Variants in SFMBT2 observed in about 807,000 individuals in gnomAD.
SFMBT2 encodes scm-like with four MBT domains protein 2.
Under a neutral mutation model 110.1 loss-of-function variants are expected in SFMBT2, and 38 were observed. That is an observed-to-expected ratio of 0.35 (90% CI 0.27 to 0.45). SFMBT2 has a LOEUF of 0.45. SFMBT2 is among the 20% of genes least tolerant of loss of function. SFMBT2 has a pLI of 1.00. For synonymous variants in SFMBT2, 425 were observed against 425.4 expected, an observed-to-expected ratio of 1.00 and a Z score of 0.01; for missense variants, 1,011 against 1,094.9, an observed-to-expected ratio of 0.92 and a Z score of 1.08.
rs35461195 is a variant in SFMBT2, at chr10:7,319,652, CAG to C, written c.437-33700_437-33699del. On this transcript the variant is annotated intron_variant, in intron 4 of 20. Transcript: ENST00000397167. ...AACTAGGTGCTACCAAAGAGAGAGA[CAG>C]AGAGAGAGAGAGAGACAGAGAGAGA... 5.3e-3 allele frequency among the ~76,000 whole-genome samples: 738 copies of C among 139,196 alleles called. 5 individuals are homozygous for C. Among genetic ancestry groups the C allele is most frequent in the African/African-American group, 0.016 (632 of 39,978 alleles). 91.3% of individuals were successfully genotyped at this position (139,196 alleles called of 152,430 possible).
At chr10:7,394,223 C>T (rs1845858619) in intron 1 of SFMBT2, among the ~76,000 whole-genome samples, 1 of 152,144 alleles carries the variant, frequency 6.6e-6, no homozygotes, top group African/African-American at 2.4e-5. Flanking sequence ...AAGCAATCCA[C>T]CCACCAGCAC....
intron 4 of SFMBT2, among the ~76,000 whole-genome samples, chr10:7,347,067 C>T (rs1844139091): frequency 6.6e-6 from 1 of 152,084 alleles, no homozygotes; most frequent in Non-Finnish European, 1.5e-5. Context: ...ACTAACTGTC[C>T]CCCAGGGCTT....
chr10:7,368,876 C>T (rs1000189694), intron 3 of SFMBT2, among the ~76,000 whole-genome samples: 3 of 152,138 alleles, frequency 2.0e-5, no homozygotes, highest in Non-Finnish European at 4.4e-5. Context: ...TAAACAGCCA[C>T]AATCACGTTC....
At chr10:7,168,525 A>G (rs903791346) in intron 20 of SFMBT2, among the ~76,000 whole-genome samples, 3 of 152,242 alleles carry the variant, frequency 2.0e-5, no homozygotes, top group Admixed American at 1.3e-4. Flanking sequence ...GAATGCACAC[A>G]GGGACTGACA....
At chr10:7,340,281 T>C (rs1220655099) in intron 4 of SFMBT2, among the ~76,000 whole-genome samples, 2 of 152,074 alleles carry the variant, frequency 1.3e-5, no homozygotes, top group African/African-American at 2.4e-5. Context: ...CTCATCTTCA[T>C]GCTGAGTAGG....
chr10:7,325,142 A>G, intron 4 of SFMBT2, among the ~76,000 whole-genome samples: 1 of 151,416 alleles, frequency 6.6e-6, no homozygotes, highest in East Asian at 1.9e-4. Flanking sequence ...TAATTTTTGT[A>G]TTTTTAGTAG....
At position 7,330,899 on chromosome 10, in the gene SFMBT2, T is replaced by C. The variant is rs111852648; in HGVS notation, c.436+36750A>G. ...TTTTTCCCCTGTCTAATCCATCCCA[T>C]GGTAGCGTCCTCCCTGGAAGGGGGA... On this transcript the variant is annotated intron_variant, in intron 4 of 20. Transcript: ENST00000397167. 3.2e-4 allele frequency among the ~76,000 whole-genome samples: 49 copies of C among 152,320 alleles called. 2 individuals are homozygous for C. The highest frequency in any genetic ancestry group is 1.1e-3 in the African/African-American group (47 of 41,558).
chr10:7,376,666 T>C (rs1456387098), intron 2 of SFMBT2, among the ~76,000 whole-genome samples: 11 of 114,808 alleles, frequency 9.6e-5, no homozygotes, highest in Non-Finnish European at 1.6e-5. Flanking sequence ...ACCACTGCAC[T>C]GCAGCCTGGG....
chr10:7,292,213 G>A (rs1454047443), intron 4 of SFMBT2: 1 of 243,278 alleles, frequency 4.1e-6, no homozygotes, highest in African/African-American at 2.3e-5. Flanking sequence ...CAGATGTCAG[G>A]TAGCAGCCTT....
intron 1 of SFMBT2, among the ~76,000 whole-genome samples, chr10:7,404,897 A>G (rs1846172966): frequency 6.6e-6 from 1 of 152,222 alleles, no homozygotes; most frequent in Admixed American, 6.5e-5. Flanking sequence ...ACTTGGAAAC[A>G]TTACATGAAT....
At chr10:7,243,184 ACT>A (rs1347368184) in intron 9 of SFMBT2, among the ~76,000 whole-genome samples, 1 of 152,200 alleles carries the variant, frequency 6.6e-6, no homozygotes, top group East Asian at 1.9e-4. Context: ...GGAAATAAAC[ACT>A]CTAAAGAAAT....
At chr10:7,407,733 A>T (rs1846257506) in intron 1 of SFMBT2, among the ~76,000 whole-genome samples, 1 of 152,222 alleles carries the variant, frequency 6.6e-6, no homozygotes, top group Admixed American at 6.5e-5. Context: ...GGTCTCCAGA[A>T]GTTTGAGAAC....
rs998353939 is a variant in SFMBT2, at chr10:7,293,927, T to A, written c.437-7973A>T. Reference sequence around the variant, plus strand: ...AGATGAACAATTTCCATCTCATCAGTTACGCTGATGTGTATCAGTGATGTA... The same window carrying A: ...AGATGAACAATTTCCATCTCATCAGATACGCTGATGTGTATCAGTGATGTA... On this transcript the variant is annotated intron_variant, in intron 4 of 20. Transcript: ENST00000397167. This position sits in a 1 kb window ranked among gnomAD's most constrained non-coding sequence, Gnocchi z 4.6. Among the ~76,000 whole-genome samples, 1 of 152,208 alleles carries A rather than the reference T, an allele frequency of 6.6e-6. No individual in the cohort carries two copies. The highest frequency in any genetic ancestry group is 1.5e-5 in the Non-Finnish European group (1 of 68,038).
At chr10:7,165,073 G>T (rs956466104) in intron 20 of SFMBT2, among the ~76,000 whole-genome samples, 1 of 152,066 alleles carries the variant, frequency 6.6e-6, no homozygotes, top group Non-Finnish European at 1.5e-5. Context: ...GACTTTAACC[G>T]CAATCCTCCC....
At chr10:7,188,276 GA>G (rs1273287443) in intron 16 of SFMBT2, among the ~76,000 whole-genome samples, 1 of 152,152 alleles carries the variant, frequency 6.6e-6, no homozygotes, top group Non-Finnish European at 1.5e-5. Flanking sequence ...AGCTGTTTAT[GA>G]ACATAGTATA....
chr10:7,258,453 C>A (rs1327325446), intron 7 of SFMBT2, among the ~76,000 whole-genome samples: 1 of 152,136 alleles, frequency 6.6e-6, no homozygotes, highest in Non-Finnish European at 1.5e-5. Context: ...AAAAATACTG[C>A]ACAGTATATA....
intron 4 of SFMBT2, among the ~76,000 whole-genome samples, chr10:7,309,035 G>A (rs946086775): frequency 4.6e-5 from 7 of 152,302 alleles, no homozygotes; most frequent in East Asian, 1.9e-4. Context: ...ACTGGACCAC[G>A]AGGTGCCCAG....
chr10:7,205,017 A>G (rs1476617828), intron 12 of SFMBT2: 11 of 695,480 alleles, frequency 1.6e-5, no homozygotes, highest in Non-Finnish European at 1.9e-5. Flanking sequence ...GTGTGGTAAT[A>G]TACTTTATAA....
At chr10:7,351,635 C>T (rs953431610) in intron 4 of SFMBT2, among the ~76,000 whole-genome samples, 3 of 152,136 alleles carry the variant, frequency 2.0e-5, no homozygotes, top group Admixed American at 6.5e-5. Flanking sequence ...ATCAGTTATA[C>T]ATAAACAATT....
Sources: gnomAD v4.1 joint callset for allele counts (sites outside exome capture counted in the v4.1 genomes callset) on GRCh38, gnomAD v4.1.1 for gene constraint, Gnocchi (gnomAD v3.1) non-coding constraint, MANE v1.5 for transcripts, NCBI Gene and HGNC (gene_info 2026-07-23, HGNC 2026-07-21) for gene names.